The following GNL2 variants were observed in gnomAD, a reference collection of about 807,000 sequenced individuals.
GNL2 encodes nucleolar GTP-binding protein 2.
Under a neutral mutation model 92.3 loss-of-function variants are expected in GNL2, and 51 were observed. That is an observed-to-expected ratio of 0.55 (90% CI 0.44 to 0.70). The LOEUF (loss-of-function observed/expected upper bound fraction) is 0.70. Among genes scored for constraint, GNL2 ranks in the 30% least tolerant of loss-of-function variants. The probability of loss-of-function intolerance (pLI) is 0.00; values close to 1 mark genes in which losing one functional copy is unlikely to be tolerated. For missense variants in GNL2, 844 were observed against 895.6 expected, an observed-to-expected ratio of 0.94 and a Z score of 0.74; for synonymous variants, 283 against 300.6, an observed-to-expected ratio of 0.94 and a Z score of 0.61.
At chr1:37,582,584 G>A (rs1027619217) in intron 7 of GNL2, among the ~76,000 whole-genome samples, 194 bp downstream of exon 7, 1 of 152,208 alleles carries the variant, frequency 6.6e-6, no homozygotes, top group Non-Finnish European at 1.5e-5. Context: ...GGAGCATAAT[G>A]TGAAGCAGGC....
intron 3 of GNL2, among the ~76,000 whole-genome samples, chr1:37,591,854 A>T (rs115964783): frequency 7.0e-4 from 106 of 152,286 alleles, no homozygotes; most frequent in African/African-American, 2.6e-3. Flanking sequence ...GATAGGTTTC[A>T]TCTTATTCTC....
intron 6 of GNL2, 197 bp from the exon 7 acceptor site, chr1:37,583,133 C>T (rs181996728): frequency 2.5e-6 from 1 of 394,182 alleles, no homozygotes; most frequent in Admixed American, 4.2e-5. Context: ...GCTTTTGAAA[C>T]CTGCTGAATT....
In GNL2 at chr1:37,569,295, G is replaced by T; in HGVS notation, c.1424C>A (p.Pro475His). The change falls in exon 13 of 16, where the codon CCC becomes CAC. Residue 475 changes from proline to histidine, a missense_variant. Coordinates refer to ENST00000373062, the MANE Select transcript of GNL2 (RefSeq NM_013285.3). ...AEPLVAPQLL[P>H]SSSLEVVPEA... ...TGGGACAACTTCCAAAGATGAGGAG[G>T]GTAGAAGCTATTAAGGGGTGGAAAT... is the stretch of plus-strand genomic sequence containing the variant. The T allele has an allele frequency of 6.2e-7, 1 of 1,606,282 alleles. No individual in the cohort carries two copies. The highest frequency in any genetic ancestry group is 8.5e-7 in the Non-Finnish European group (1 of 1,176,974).
At position 37,592,761 on chromosome 1, in the gene GNL2, C is replaced by T. The variant is rs1344516825; in HGVS notation, c.195G>A (p.Thr65=). ...KIIKPLQYQS[T]VASGTVARVE... is the part of the protein sequence containing the mutation. ...CTCTTGCCACTGTGCCAGAAGCCAC[C>T]GTTGATTGATATTGCAGGGGTTTAA... Residue 65 remains threonine (T), a synonymous_variant, in exon 3 of 16, where the codon ACG becomes ACA. Transcript: ENST00000373062. 10 of 1,609,594 alleles carry T rather than the reference C, an allele frequency of 6.2e-6. No homozygotes were observed. In the Admixed American group the frequency reaches 1.3e-4, roughly 21 times the overall value.
At chr1:37,585,207 C>A (rs1350034026) in intron 5 of GNL2, among the ~76,000 whole-genome samples, 1 of 151,396 alleles carries the variant, frequency 6.6e-6, no homozygotes, top group Non-Finnish European at 1.5e-5. Context: ...TACAGGTGTG[C>A]GCCCCTGCGT....
rs568144235 is a variant in GNL2 at position 37,590,865 on chromosome 1, T to C, written c.245-20A>G. ...TGTTTCCTGTTTTACAAATAAAGAA[T>C]GTTGCCACTTAGTTAATATTTGCGC... On this transcript the variant is annotated intron_variant, in intron 3 of 15. Coordinates refer to ENST00000373062, the MANE Select transcript of GNL2 (RefSeq NM_013285.3). 2 of 1,533,354 alleles carry C rather than the reference T, an allele frequency of 1.3e-6. No homozygotes were observed. The highest frequency in any genetic ancestry group is 2.4e-5 in the East Asian group (1 of 41,716). The allele number at this position is 1,533,354 out of a possible 1,614,324, so 95.0% of individuals were successfully genotyped here. A position where few individuals can be genotyped will look rare whatever the true frequency, so the allele number is the denominator to read the frequency against.
Position 37,587,389 on chromosome 1 carries a change from A to G in GNL2, c.491T>C (p.Ile164Thr), listed in dbSNP as rs764399336. Residue 164 changes from isoleucine to threonine, a missense_variant, in exon 5 of 16, where the codon ATC becomes ACC. Ile to Thr is a moderately conservative substitution (Grantham distance 89). Coordinates refer to ENST00000373062, the MANE Select transcript of GNL2 (RefSeq NM_013285.3). ...CTCAGTGGACATTTCAGCATTTTCG[A>G]TAAGAGACTGCATATCACTTGCAAA... Reference protein sequence around the residue: ...NLFASDMQSLIENAEMSTESY... With the variant: ...NLFASDMQSLTENAEMSTESY... The G allele has an allele frequency of 6.2e-7, 1 of 1,613,518 alleles. No homozygotes were observed. The highest frequency in any genetic ancestry group is 2.2e-5 in the East Asian group (1 of 44,876).
chr1:37,590,415 C>G (rs1481967903), intron 4 of GNL2, among the ~76,000 whole-genome samples: 1 of 152,300 alleles, frequency 6.6e-6, no homozygotes, highest in South Asian at 2.1e-4. Flanking sequence ...CCTATCTATA[C>G]TTTCAAGGCA....
At chr1:37,573,085 T>C (rs1643619398) in intron 12 of GNL2, among the ~76,000 whole-genome samples, 2 of 152,152 alleles carry the variant, frequency 1.3e-5, no homozygotes, top group Non-Finnish European at 2.9e-5. Context: ...CAATATGGGA[T>C]TGCTGGGTGA....
At chr1:37,589,384 A>G (rs1444635208) in intron 4 of GNL2, among the ~76,000 whole-genome samples, 1 of 152,214 alleles carries the variant, frequency 6.6e-6, no homozygotes, top group Non-Finnish European at 1.5e-5. Context: ...GGCTCACTGC[A>G]AGCTCTGCCT....
intron 8 of GNL2, among the ~76,000 whole-genome samples, chr1:37,579,269 C>T (rs1405318852): frequency 9.2e-5 from 14 of 152,074 alleles, no homozygotes; most frequent in Admixed American, 2.0e-4. Context: ...GGAAAGTGGC[C>T]GGGAGCAGTG....
At chr1:37,588,795 A>C (rs1391466961) in intron 4 of GNL2, among the ~76,000 whole-genome samples, 1 of 152,246 alleles carries the variant, frequency 6.6e-6, no homozygotes, top group Non-Finnish European at 1.5e-5. Flanking sequence ...TCCACTGTGC[A>C]AAATAATCTC....
intron 14 of GNL2, 35 bp downstream of exon 14, chr1:37,568,240 A>G (rs757511990): frequency 3.4e-5 from 45 of 1,326,330 alleles, no homozygotes; most frequent in Non-Finnish European, 4.9e-5. Context: ...AAATATGCAA[A>G]TTACATCTAA....
At chr1:37,574,187 C>T (rs561261075) in intron 12 of GNL2, among the ~76,000 whole-genome samples, 156 bp downstream of exon 12, 2 of 152,124 alleles carry the variant, frequency 1.3e-5, no homozygotes, top group African/African-American at 4.8e-5. Flanking sequence ...CACCCATGCC[C>T]GGCCCCAAAA....
At chr1:37,576,304 G>A in intron 9 of GNL2, 124 bp downstream of exon 9, 4 of 830,954 alleles carry the variant, frequency 4.8e-6, no homozygotes, top group Non-Finnish European at 5.8e-6. Context: ...CTATTATATG[G>A]TGAGCTAAAC....
chr1:37,569,340 A>G lies in GNL2; in HGVS notation c.1417-38T>C, dbSNP rs112056685. On this transcript the variant is annotated intron_variant, in intron 12 of 15. Transcript: ENST00000373062. ...GGAAATGGGGGAAATAAATAGAATC[A>G]GAAAATGAAAAATGGAATTTCTGAA... 1.1e-3 allele frequency: 1,552 copies of G among 1,374,552 alleles called. 20 individuals carry two copies. The African/African-American group carries it at 0.02, about 18-fold the overall frequency. The allele number at this position is 1,374,552 out of a possible 1,614,324, so 85.1% of individuals were successfully genotyped here. A position where few individuals can be genotyped will look rare whatever the true frequency, so the allele number is the denominator to read the frequency against.
intron 12 of GNL2, 158 bp from the exon 13 acceptor site, chr1:37,569,460 C>T: frequency 1.7e-6 from 1 of 603,592 alleles, no homozygotes; most frequent in South Asian, 2.0e-5. Flanking sequence ...TATTTTTAAA[C>T]CAATGTACAT....
intron 2 of GNL2, among the ~76,000 whole-genome samples, chr1:37,593,215 T>C (rs1336910817): frequency 6.6e-6 from 1 of 152,240 alleles, no homozygotes; most frequent in East Asian, 1.9e-4. Context: ...ACTACACATA[T>C]TAAGTTCTTT....
intron 8 of GNL2, among the ~76,000 whole-genome samples, chr1:37,578,173 T>C (rs745622748): frequency 1.3e-5 from 2 of 152,146 alleles, no homozygotes; most frequent in Non-Finnish European, 2.9e-5. Flanking sequence ...GCACAGTGGC[T>C]CATGCCTGTA....
Sources: gnomAD v4.1 joint callset for allele counts (sites outside exome capture counted in the v4.1 genomes callset) on GRCh38, gnomAD v4.1.1 for gene constraint, MANE v1.5 for transcripts, NCBI Gene and HGNC (gene_info 2026-07-23, HGNC 2026-07-21) for gene names.